Variants in CHRM2 observed in about 807,000 individuals in gnomAD.
CHRM2 encodes muscarinic acetylcholine receptor M2.
In CHRM2, 8 loss-of-function variants were observed where a neutral mutation model predicts 25.0. The ratio of observed to expected loss-of-function variants is 0.32; its 90% CI spans 0.19 to 0.58. The LOEUF is 0.58. CHRM2 is among the 20% of genes least tolerant of loss of function. The pLI is 0.88. For missense variants in CHRM2, 440 were observed against 567.1 expected, an observed-to-expected ratio of 0.78 and a Z score of 2.28; for synonymous variants, 202 against 205.7, an observed-to-expected ratio of 0.98 and a Z score of 0.15.
At chr7:136,874,774 T>C (rs972620475) in intron 2 of CHRM2, among the ~76,000 whole-genome samples, 2 of 152,056 alleles carry the variant, frequency 1.3e-5, no homozygotes, top group Non-Finnish European at 2.9e-5. Flanking sequence ...AAGAGATTAG[T>C]AGAATACATT....
intron 2 of CHRM2, among the ~76,000 whole-genome samples, chr7:136,944,501 A>T (rs1046391271): frequency 6.6e-6 from 1 of 151,866 alleles, no homozygotes; most frequent in African/African-American, 2.4e-5. Flanking sequence ...ATGTATACAT[A>T]TATGTGTACA....
At chr7:136,913,066 T>C (rs1202896324) in intron 2 of CHRM2, among the ~76,000 whole-genome samples, 1 of 151,954 alleles carries the variant, frequency 6.6e-6, no homozygotes, top group African/African-American at 2.4e-5. Context: ...AACTGATTTT[T>C]ATATGTTATT....
At chr7:137,013,308 A>G (rs1329847849) in intron 3 of CHRM2, among the ~76,000 whole-genome samples, 2 of 151,978 alleles carry the variant, frequency 1.3e-5, no homozygotes, top group East Asian at 3.9e-4. Flanking sequence ...GTCAAATAAA[A>G]TACTGGAAAA....
intron 2 of CHRM2, among the ~76,000 whole-genome samples, chr7:136,954,537 C>A (rs184562201): frequency 6.6e-6 from 1 of 152,176 alleles, no homozygotes; most frequent in East Asian, 1.9e-4. Flanking sequence ...TTGCATGTCT[C>A]CTCTTCATAT....
intron 2 of CHRM2, among the ~76,000 whole-genome samples, chr7:136,952,041 T>A (rs1039550243): frequency 1.3e-5 from 2 of 152,130 alleles, no homozygotes; most frequent in African/African-American, 2.4e-5. Context: ...GACCCTCAAA[T>A]GCTAAACTGA....
chr7:136,872,088 CT>C (rs1402567404), intron 2 of CHRM2: 1 of 152,148 alleles, frequency 6.6e-6, no homozygotes, highest in African/African-American at 2.4e-5. Flanking sequence ...AAATAAAGCT[CT>C]GTGAATGAGG....
chr7:136,880,453 T>G (rs1243687452), intron 2 of CHRM2, among the ~76,000 whole-genome samples: 1 of 151,992 alleles, frequency 6.6e-6, no homozygotes, highest in Non-Finnish European at 1.5e-5. Flanking sequence ...CAGTAAACAT[T>G]TGACTACATT....
At chr7:136,997,340 T>C (rs1400497074) in intron 3 of CHRM2, among the ~76,000 whole-genome samples, 2 of 152,218 alleles carry the variant, frequency 1.3e-5, no homozygotes, top group Non-Finnish European at 2.9e-5. Context: ...TTCACTGTTT[T>C]ATCCCCTGAA....
At chr7:136,960,837 T>C (rs912494272) in intron 2 of CHRM2, among the ~76,000 whole-genome samples, 1 of 152,194 alleles carries the variant, frequency 6.6e-6, no homozygotes, top group African/African-American at 2.4e-5. Context: ...GAAAGCCATA[T>C]GCATTTGGCA....
chr7:136,876,605 A>G (rs539876629), intron 2 of CHRM2, among the ~76,000 whole-genome samples: 1 of 152,254 alleles, frequency 6.6e-6, no homozygotes, highest in Admixed American at 6.5e-5. Flanking sequence ...TTTAAGTTCA[A>G]ATTTCCAGCA....
intron 2 of CHRM2, chr7:136,938,653 A>G (rs1799564029): frequency 4.9e-6 from 4 of 824,632 alleles, no homozygotes; most frequent in Non-Finnish European, 8.4e-6. Flanking sequence ...CACAGGGCCC[A>G]CTCGTGCAGG....
At chr7:137,010,038 C>T (rs1037717422) in intron 3 of CHRM2, among the ~76,000 whole-genome samples, 4 of 151,956 alleles carry the variant, frequency 2.6e-5, no homozygotes, top group Non-Finnish European at 5.9e-5. Context: ...ATACTTAATA[C>T]TAATAGATCA....
chr7:136,883,120 C>A (rs1584692964), intron 2 of CHRM2, among the ~76,000 whole-genome samples: 1 of 152,134 alleles, frequency 6.6e-6, no homozygotes, highest in South Asian at 2.1e-4. Flanking sequence ...TTACGTAGGG[C>A]TTAGCGTTCC....
At chr7:137,012,414 T>C (rs1480963630) in intron 3 of CHRM2, among the ~76,000 whole-genome samples, 1 of 152,062 alleles carries the variant, frequency 6.6e-6, no homozygotes, top group Non-Finnish European at 1.5e-5. Context: ...CTGATCTAAG[T>C]TGCATTCCAT....
intron 2 of CHRM2, among the ~76,000 whole-genome samples, chr7:136,951,543 C>A (rs1223121479): frequency 6.6e-6 from 1 of 152,120 alleles, no homozygotes; most frequent in East Asian, 1.9e-4. Flanking sequence ...GCATTCTTCC[C>A]TCTCTGATTG....
At chr7:136,928,460 A>T (rs1233935040) in intron 2 of CHRM2, among the ~76,000 whole-genome samples, 1 of 152,324 alleles carries the variant, frequency 6.6e-6, no homozygotes, top group Admixed American at 6.5e-5. Context: ...ATTGTATACT[A>T]TGTTGATCCT....
chr7:136,933,297 G>A (rs1014287501), intron 2 of CHRM2, among the ~76,000 whole-genome samples: 4 of 152,066 alleles, frequency 2.6e-5, no homozygotes, highest in Non-Finnish European at 5.9e-5. Flanking sequence ...TAAACAAATG[G>A]TTATTAAGCA....
At chr7:136,904,070 C>T (rs1797390284) in intron 2 of CHRM2, among the ~76,000 whole-genome samples, 1 of 151,808 alleles carries the variant, frequency 6.6e-6, no homozygotes, top group African/African-American at 2.4e-5. Context: ...AAGCATTTTG[C>T]ATCTACATTT....
At chr7:136,874,829 T>C (rs948685094) in intron 2 of CHRM2, among the ~76,000 whole-genome samples, 9 of 151,896 alleles carry the variant, frequency 5.9e-5, no homozygotes, top group Non-Finnish European at 1.2e-4. Context: ...TATACAGTTA[T>C]GGCAAAGGGG....
Sources: allele counts gnomAD v4.1 joint callset (sites outside exome capture counted in the v4.1 genomes callset), GRCh38; gene constraint gnomAD v4.1.1; transcripts MANE v1.5; gene names NCBI Gene and HGNC (gene_info 2026-07-23, HGNC 2026-07-21).